The following CMPK2 variants were observed in gnomAD, a reference collection of about 807,000 sequenced individuals.
CMPK2 encodes the protein cytidine/uridine monophosphate kinase 2.
CMPK2 carries 32 observed loss-of-function variants against 33.4 expected under a neutral mutation model. The observed-to-expected ratio is 0.96, with a 90% CI of 0.72 to 1.29. CMPK2 has a LOEUF of 1.29. Among genes scored for constraint, CMPK2 ranks in the 50% most tolerant of loss-of-function variants. The pLI, the probability that CMPK2 is intolerant of heterozygous loss-of-function variation, is 0.00. For missense variants in CMPK2, 672 were observed against 616.0 expected (o/e 1.09, Z -0.96); for synonymous variants, 299 against 275.3 (o/e 1.09, Z -0.85).
At position 6,849,793 on chromosome 2, in the gene CMPK2, A is replaced by T. The variant is rs1662459163; in HGVS notation, c.*57T>A. ...GGGAACACTGCATAACAAATGGTGG[A>T]TGTAGATGTTTCAAACAACATCTAA... is the stretch of plus-strand genomic sequence containing the variant. On this transcript the variant is annotated 3_prime_UTR_variant, in exon 5 of 5. Coordinates refer to ENST00000256722, the MANE Select transcript of CMPK2 (RefSeq NM_207315.4). 8.7e-6 allele frequency: 14 copies of T among 1,608,884 alleles called. No individual in the cohort carries two copies. The South Asian group carries it at 1.4e-4, about 17-fold the overall frequency.
At chr2:6,840,778 G>C (rs1437307812) in intron 3 of CMPK2, 1 of 667,380 alleles carries the variant, frequency 1.5e-6, no homozygotes, top group Non-Finnish European at 2.7e-6. Flanking sequence ...TCTGATAACT[G>C]TTTTAATTCC....
chr2:6,851,541 G>C lies in CMPK2; in HGVS notation c.1135C>G (p.Pro379Ala). 3.7e-6 allele frequency: 6 copies of C among 1,614,180 alleles called. No homozygotes were observed. The highest frequency in any genetic ancestry group is 5.1e-6 in the Non-Finnish European group (6 of 1,180,038). The part of the protein sequence containing the change: ...PDLILLLTVS[P>A]EERLQRLQGR... ...TGCAGCCTCTGCAACCTCTCCTCAGGACTCACAGTGAGCAGCAGGATAAGG... is the reference window on the plus strand; with the variant it reads ...TGCAGCCTCTGCAACCTCTCCTCAGCACTCACAGTGAGCAGCAGGATAAGG... The change falls in exon 4 of 5, where the codon CCT becomes GCT. Residue 379 changes from proline (P) to alanine (A), a missense_variant. By Grantham distance (27) the Pro-to-Ala change is conservative. Coordinates refer to ENST00000256722, the MANE Select transcript of CMPK2 (RefSeq NM_207315.4).
At chr2:6,858,927 G>A (rs1167772447) in intron 3 of CMPK2, among the ~76,000 whole-genome samples, 2 of 152,194 alleles carry the variant, frequency 1.3e-5, no homozygotes, top group Non-Finnish European at 2.9e-5. Context: ...AGGAAAATGT[G>A]GGAAAGGTTG....
intron 3 of CMPK2, among the ~76,000 whole-genome samples, chr2:6,854,842 GGAA>G (rs1662636597): frequency 6.6e-6 from 1 of 152,024 alleles, no homozygotes; most frequent in Non-Finnish European, 1.5e-5. Flanking sequence ...CAGTAGGCAG[GGAA>G]GGGGGCATGA....
intron 3 of CMPK2, chr2:6,840,720 A>G (rs1662208958): frequency 8.6e-6 from 6 of 700,700 alleles, no homozygotes; most frequent in South Asian, 1.5e-5. Flanking sequence ...CACCAGTACC[A>G]AGTCTCCTTG....
intron 3 of CMPK2, 54 bp downstream of exon 3, chr2:6,861,128 CCA>C (rs1662866484): frequency 9.2e-4 from 23 of 24,886 alleles, no homozygotes; most frequent in African/African-American, 1.6e-3. Context: ...ACACACACAC[CCA>C]CACACTTATA....
In CMPK2 at chr2:6,865,122, A is replaced by G; in HGVS notation, c.575T>C (p.Val192Ala). The G allele has an allele frequency of 1.3e-6, 2 of 1,515,756 alleles. No homozygotes were observed. Among genetic ancestry groups the G allele is most frequent in the South Asian group, 2.5e-5 (2 of 80,304 alleles). 93.9% of individuals were successfully genotyped at this position (1,515,756 alleles called of 1,614,324 possible). Reference protein sequence around the residue: ...GRRLQVGCAQVVPVPEPPLHP... With the variant: ...GRRLQVGCAQAVPVPEPPLHP... The stretch of plus-strand genomic sequence containing the variant: ...CAGCGGGGGCTCCGGGACGGGCACG[A>G]CCTGTGCGCAGCCCACCTGCAGCCG... Residue 192 changes from valine (V) to alanine (A), a missense_variant, in exon 1 of 5, where the codon GTC becomes GCC. Coordinates refer to ENST00000256722, the MANE Select transcript of CMPK2 (RefSeq NM_207315.4).
chr2:6,849,344 C>CTCTAGAAT lies in CMPK2; in HGVS notation c.*505_*506insATTCTAGA. On this transcript the variant is annotated 3_prime_UTR_variant, in exon 5 of 5. Coordinates refer to ENST00000256722, the MANE Select transcript of CMPK2 (RefSeq NM_207315.4). Reference sequence around the variant, plus strand: ...CACATAGACAGCCTCTGCAGGAACACTTGGCTCTAGAATTTGGGACTGAGG... The same window carrying CTCTAGAAT: ...CACATAGACAGCCTCTGCAGGAACACTCTAGAATTTGGCTCTAGAATTTGGGACTGAGG... 1.0e-6 allele frequency: 1 copy of CTCTAGAAT among 986,436 alleles called. No individual in the cohort carries two copies. The highest frequency in any genetic ancestry group is 1.2e-6 in the Non-Finnish European group (1 of 830,714). 61.1% of individuals were successfully genotyped at this position (986,436 alleles called of 1,614,324 possible).
chr2:6,860,719 C>T lies in CMPK2; in HGVS notation c.992+465G>A, dbSNP rs7568114. ...AAAATGGACTAATACACTGGTTTATCATTGAATCCTCTAAATTGAGACTAG... is the reference window on the plus strand; with the variant it reads ...AAAATGGACTAATACACTGGTTTATTATTGAATCCTCTAAATTGAGACTAG... On this transcript the variant is annotated intron_variant, in intron 3 of 4. Transcript: ENST00000256722. 7.0e-3 allele frequency among the ~76,000 whole-genome samples: 1,064 copies of T among 152,298 alleles called. 7 individuals carry two copies. The highest frequency in any genetic ancestry group is 0.024 in the African/African-American group (998 of 41,562).
At chr2:6,854,850 G>T (rs1028638004) in intron 3 of CMPK2, among the ~76,000 whole-genome samples, 49 of 152,000 alleles carry the variant, frequency 3.2e-4, no homozygotes, top group Admixed American at 3.1e-3. Context: ...AGGGAAGGGG[G>T]CATGAGTATC....
intron 3 of CMPK2, among the ~76,000 whole-genome samples, chr2:6,854,578 A>G (rs1426420704): frequency 6.6e-6 from 1 of 152,218 alleles, no homozygotes; most frequent in Admixed American, 6.5e-5. Context: ...TGTTTCCTAT[A>G]GAGTTCTCCC....
intron 3 of CMPK2, among the ~76,000 whole-genome samples, chr2:6,842,623 A>G (rs781358779): frequency 6.6e-6 from 1 of 152,196 alleles, no homozygotes; most frequent in Non-Finnish European, 1.5e-5. Flanking sequence ...CTATGGAAAG[A>G]CTGAGGGTTG....
chr2:6,846,961 C>A (rs1395428216), downstream of CMPK2, among the ~76,000 whole-genome samples: 1 of 152,136 alleles, frequency 6.6e-6, no homozygotes, highest in East Asian at 1.9e-4. Context: ...AGTTCTTTGT[C>A]CTAATTCCAA....
At chr2:6,854,696 T>C (rs1282180507) in intron 3 of CMPK2, among the ~76,000 whole-genome samples, 1 of 152,204 alleles carries the variant, frequency 6.6e-6, no homozygotes, top group African/African-American at 2.4e-5. Context: ...GAAGCCACAT[T>C]AGTTCAAATC....
chr2:6,851,728 C>T, intron 3 of CMPK2, 45 bp from the exon 4 acceptor site: 1 of 1,568,654 alleles, frequency 6.4e-7, no homozygotes, highest in South Asian at 1.1e-5. Flanking sequence ...CAGAAGAAGT[C>T]AAAGTAGCAT....
intron 3 of CMPK2, among the ~76,000 whole-genome samples, chr2:6,859,857 A>G (rs1448457677): frequency 6.6e-6 from 1 of 152,146 alleles, no homozygotes; most frequent in East Asian, 1.9e-4. Context: ...TAGACCCCAG[A>G]ATGGTAGATC....
In CMPK2 at chr2:6,849,889, C is replaced by T. The variant is rs10495545; in HGVS notation, c.1311G>A (p.Thr437=). The T allele has an allele frequency of 0.11, 174,086 of 1,613,824 alleles. 10,841 individuals carry two copies. Among genetic ancestry groups the T allele is most frequent in the East Asian group, 0.29 (12,908 of 44,842 alleles). ...ASPSREKVLQ[T]VLSLIQNSFS... ...AACTATTCTGGATTAGGCTTAATAC[C>T]GTCTGCAGGACCTTTTCTCTGGAGG... Residue 437 remains threonine (T), a synonymous_variant, in exon 5 of 5, where the codon ACG becomes ACA. Coordinates refer to ENST00000256722, the MANE Select transcript of CMPK2 (RefSeq NM_207315.4).
intron 3 of CMPK2, among the ~76,000 whole-genome samples, chr2:6,840,871 G>A (rs1351755009): frequency 1.3e-5 from 2 of 152,062 alleles, no homozygotes; most frequent in East Asian, 1.9e-4. Flanking sequence ...GTAAGGAAAG[G>A]CCGTCCATAT....
At position 6,849,890 on chromosome 2, in the gene CMPK2, G is replaced by T. The variant is rs527462136; in HGVS notation, c.1310C>A (p.Thr437Lys). The T allele has an allele frequency of 6.2e-7, 1 of 1,613,986 alleles. No individual in the cohort carries two copies. Among genetic ancestry groups the T allele is most frequent in the Non-Finnish European group, 8.5e-7 (1 of 1,180,026 alleles). Residue 437 changes from threonine (T) to lysine (K), a missense_variant, in exon 5 of 5, where the codon ACG becomes AAG. Physicochemically the swap from Thr to Lys is moderately conservative, Grantham distance 78 (BLOSUM62 -1). Coordinates refer to ENST00000256722, the MANE Select transcript of CMPK2 (RefSeq NM_207315.4). ...ACTATTCTGGATTAGGCTTAATACC[G>T]TCTGCAGGACCTTTTCTCTGGAGGG... ...ASPSREKVLQ[T>K]VLSLIQNSFS...
Sources: allele counts gnomAD v4.1 joint callset (sites outside exome capture counted in the v4.1 genomes callset), GRCh38; gene constraint gnomAD v4.1.1; transcripts MANE v1.5; gene names NCBI Gene and HGNC (gene_info 2026-07-23, HGNC 2026-07-21).